The following TNR variants were observed in gnomAD, a reference collection of about 807,000 sequenced individuals.
TNR encodes the protein tenascin R, also known as tenascin-R.
In TNR, 45 loss-of-function variants were observed where a neutral mutation model predicts 150.4. The observed-to-expected ratio is 0.30, with a 90% CI of 0.24 to 0.38. The LOEUF (loss-of-function observed/expected upper bound fraction) is 0.38. TNR is among the 10% of genes least tolerant of loss of function. The pLI, the probability that TNR is intolerant of heterozygous loss-of-function variation, is 1.00. For synonymous variants in TNR, 687 were observed against 678.4 expected (o/e 1.01, Z -0.20); for missense variants, 1,544 against 1,759.1 (o/e 0.88, Z 2.19).
At chr1:175,602,974 C>T (rs550273420) in intron 1 of TNR, among the ~76,000 whole-genome samples, 1 of 152,228 alleles carries the variant, frequency 6.6e-6, no homozygotes, top group South Asian at 2.1e-4. Flanking sequence ...TTTCCCAAAT[C>T]TTTCCTAGAA....
At chr1:175,583,902 C>A (rs1662465835) in intron 1 of TNR, among the ~76,000 whole-genome samples, 1 of 152,118 alleles carries the variant, frequency 6.6e-6, no homozygotes, top group Non-Finnish European at 1.5e-5. Context: ...ATAAGACAGG[C>A]CAGCTCACCC....
chr1:175,467,604 T>A (rs1571482499), intron 2 of TNR, among the ~76,000 whole-genome samples: 1 of 152,006 alleles, frequency 6.6e-6, no homozygotes, highest in African/African-American at 2.4e-5. Flanking sequence ...TTTGGAGGTG[T>A]GAGTCTTGAG....
In TNR at chr1:175,530,717, ACT is replaced by A. The variant is rs979868040; in HGVS notation, c.-164-2350_-164-2349del. On this transcript the variant is annotated intron_variant, in intron 1 of 22. Coordinates refer to ENST00000367674, the MANE Select transcript of TNR (RefSeq NM_003285.3). ...ACTATACATGTAGAATTTTTAGTGCACTCTCTTTTTTTTTTCTCCATTGCTTG... is the reference window on the plus strand; with the variant it reads ...ACTATACATGTAGAATTTTTAGTGCACTCTTTTTTTTTTCTCCATTGCTTG... 7.0e-5 allele frequency among the ~76,000 whole-genome samples: 9 copies of A among 128,580 alleles called. No individual in the cohort carries two copies. The South Asian group carries it at 8.1e-4, about 12-fold the overall frequency. The allele number at this position is 128,580 out of a possible 152,430, so 84.4% of individuals were successfully genotyped here.
Position 175,599,997 on chromosome 1 carries a change from C to T in TNR, c.-164-71628G>A, listed in dbSNP as rs1663174255. 6.6e-6 allele frequency among the ~76,000 whole-genome samples: 1 copy of T among 152,162 alleles called. No individual in the cohort carries two copies. Among genetic ancestry groups the T allele is most frequent in the Non-Finnish European group, 1.5e-5 (1 of 68,036 alleles). ...CTTGCAGGACTTCCATTCGACTGCA[C>T]GCCTACTTATCCTGGCATTCTGCAT... On this transcript the variant is annotated intron_variant, in intron 1 of 22. Transcript: ENST00000367674. The surrounding 1 kb of genome is among the most constrained non-coding windows in gnomAD (Gnocchi z 4.7).
chr1:175,549,368 C>T (rs140163214), intron 1 of TNR, among the ~76,000 whole-genome samples: 2 of 152,290 alleles, frequency 1.3e-5, no homozygotes, highest in African/African-American at 4.8e-5. Flanking sequence ...GGTATGAGAA[C>T]CTTCTAATCA....
Position 175,429,276 on chromosome 1 carries a change from T to G in TNR, c.-63-22499A>C, listed in dbSNP as rs1351960. Reference sequence around the variant, plus strand: ...TGTGAATCATTAAGATAGATATAGATGTATATGTAAATATAGATTTAGAAT... The same window carrying G: ...TGTGAATCATTAAGATAGATATAGAGGTATATGTAAATATAGATTTAGAAT... On this transcript the variant is annotated intron_variant, in intron 2 of 22. Transcript: ENST00000367674. Among the ~76,000 whole-genome samples the G allele has an allele frequency of 2.7e-3, 406 of 152,272 alleles. 2 individuals carry two copies. Among genetic ancestry groups the G allele is most frequent in the African/African-American group, 9.1e-3 (380 of 41,576 alleles).
intron 9 of TNR, among the ~76,000 whole-genome samples, chr1:175,374,749 C>T (rs1240806075): frequency 6.6e-6 from 1 of 152,170 alleles, no homozygotes; most frequent in African/African-American, 2.4e-5. Context: ...CAAATGCCAC[C>T]ATGAGGCCTA....
intron 10 of TNR, among the ~76,000 whole-genome samples, chr1:175,366,641 G>A (rs1459633492): frequency 6.6e-6 from 1 of 152,350 alleles, no homozygotes; most frequent in East Asian, 1.9e-4. Flanking sequence ...CTTGGGACAA[G>A]GACTGGTCTA....
chr1:175,607,620 C>T (rs182941038), intron 1 of TNR, among the ~76,000 whole-genome samples: 1 of 152,146 alleles, frequency 6.6e-6, no homozygotes, highest in African/African-American at 2.4e-5. Context: ...CTTTCTGCAC[C>T]AAACACAATA....
Position 175,569,748 on chromosome 1 carries a change from A to G in TNR, c.-164-41379T>C, listed in dbSNP as rs115127452. Among the ~76,000 whole-genome samples the G allele has an allele frequency of 7.8e-3, 1,193 of 152,356 alleles. 13 individuals are homozygous for G. Among genetic ancestry groups the G allele is most frequent in the African/African-American group, 0.027 (1,131 of 41,576 alleles). On this transcript the variant is annotated intron_variant, in intron 1 of 22. Coordinates refer to ENST00000367674, the MANE Select transcript of TNR (RefSeq NM_003285.3). Reference sequence around the variant, plus strand: ...ACTCTAATGATATTTTTGGATTTGCAAAGAGCTTTACACTTTGCTAAACAC... The same window carrying G: ...ACTCTAATGATATTTTTGGATTTGCGAAGAGCTTTACACTTTGCTAAACAC...
At chr1:175,326,500 T>C (rs191580874) in intron 21 of TNR, among the ~76,000 whole-genome samples, 1 of 152,192 alleles carries the variant, frequency 6.6e-6, no homozygotes, top group Middle Eastern at 3.2e-3. Flanking sequence ...TAACTCAACA[T>C]GACATGATCT....
chr1:175,674,627 T>G, intron 1 of TNR, among the ~76,000 whole-genome samples: 1 of 152,180 alleles, frequency 6.6e-6, no homozygotes, highest in East Asian at 1.9e-4. Flanking sequence ...TTTGCTAAAC[T>G]GAGACAGTCC....
intron 1 of TNR, among the ~76,000 whole-genome samples, chr1:175,714,151 C>G (rs1323288958): frequency 1.3e-5 from 2 of 151,862 alleles, no homozygotes; most frequent in Admixed American, 1.3e-4. Flanking sequence ...CTCTGGCCCA[C>G]CTGGGTGCCC....
chr1:175,653,035 T>A (rs893478243), intron 1 of TNR, among the ~76,000 whole-genome samples: 6 of 152,162 alleles, frequency 3.9e-5, no homozygotes, highest in Admixed American at 2.0e-4. Context: ...TCCGACACCA[T>A]CAGGGAGAGG....
At chr1:175,330,337 G>C (rs779357043) in intron 20 of TNR, 102 bp from the exon 21 acceptor site, 6 of 1,306,550 alleles carry the variant, frequency 4.6e-6, no homozygotes, top group Non-Finnish European at 6.2e-6. Context: ...CAGGGAAGAG[G>C]AGGGGACTCC....
chr1:175,437,612 A>T (rs191354929), intron 2 of TNR, among the ~76,000 whole-genome samples: 23 of 152,354 alleles, frequency 1.5e-4, no homozygotes, highest in Admixed American at 1.2e-3. Flanking sequence ...AAAGATCAAC[A>T]AAATTGATAG....
At chr1:175,385,974 C>A in intron 8 of TNR, 58 bp downstream of exon 8, 1 of 1,511,804 alleles carries the variant, frequency 6.6e-7, no homozygotes, top group Non-Finnish European at 8.9e-7. Context: ...GATGACACCA[C>A]CGGTTGGCTC....
intron 1 of TNR, among the ~76,000 whole-genome samples, chr1:175,631,818 A>G (rs1237466884): frequency 6.6e-6 from 1 of 152,206 alleles, no homozygotes; most frequent in Admixed American, 6.5e-5. Context: ...GTCAAGAGGA[A>G]TTGGGGGAGC....
chr1:175,475,422 C>A (rs1657505827), intron 2 of TNR, among the ~76,000 whole-genome samples: 1 of 152,168 alleles, frequency 6.6e-6, no homozygotes, highest in Admixed American at 6.5e-5. Context: ...GACGTGCTGG[C>A]TTTTCAGGGG....
Sources: allele counts gnomAD v4.1 joint callset (sites outside exome capture counted in the v4.1 genomes callset), GRCh38; gene constraint gnomAD v4.1.1; non-coding constraint Gnocchi (gnomAD v3.1); transcripts MANE v1.5; gene names NCBI Gene and HGNC (gene_info 2026-07-23, HGNC 2026-07-21).